The following SORCS2 variants were observed in gnomAD, a reference collection of about 807,000 sequenced individuals.
SORCS2 encodes the protein sortilin related VPS10 domain containing receptor 2, also known as VPS10 domain-containing receptor SorCS2.
Under a neutral mutation model 141.6 loss-of-function variants are expected in SORCS2, and 100 were observed. The observed-to-expected ratio is 0.71, with a 90% CI of 0.60 to 0.83. The LOEUF (loss-of-function observed/expected upper bound fraction) is 0.83, where lower values mean the gene tolerates loss of function less well. Among genes scored for constraint, SORCS2 ranks in the 40% least tolerant of loss-of-function variants. The pLI, the probability that SORCS2 is intolerant of heterozygous loss-of-function variation, is 0.00. For synonymous variants in SORCS2, 789 were observed against 676.9 expected (o/e 1.17, Z -2.57); for missense variants, 1,646 against 1,560.2 (o/e 1.05, Z -0.93).
intron 1 of SORCS2, among the ~76,000 whole-genome samples, chr4:7,273,778 C>CTG (rs1362917354): frequency 6.6e-6 from 1 of 152,210 alleles, no homozygotes; most frequent in African/African-American, 2.4e-5. Context: ...TTAGAAAGCT[C>CTG]TGTGGCGTTG....
chr4:7,639,961 G>A (rs1326877941), intron 4 of SORCS2, among the ~76,000 whole-genome samples: 1 of 151,864 alleles, frequency 6.6e-6, no homozygotes, highest in Non-Finnish European at 1.5e-5. Context: ...ATGAGTGTGG[G>A]TGTGAATCTG....
chr4:7,216,136 G>A (rs559865594), intron 1 of SORCS2, among the ~76,000 whole-genome samples: 1 of 152,288 alleles, frequency 6.6e-6, no homozygotes, highest in Admixed American at 6.5e-5. Flanking sequence ...CCACGGGGAG[G>A]AACAAACAAC....
At chr4:7,398,469 T>G (rs1178860902) in intron 2 of SORCS2, among the ~76,000 whole-genome samples, 1 of 152,220 alleles carries the variant, frequency 6.6e-6, no homozygotes, top group Non-Finnish European at 1.5e-5. Flanking sequence ...ATTGACAGAT[T>G]TTAATTTTCC....
In SORCS2 at chr4:7,720,619, A is replaced by G. The variant is rs1032985568; in HGVS notation, c.2424+2436A>G. On this transcript the variant is annotated intron_variant, in intron 18 of 26. Coordinates refer to ENST00000507866, the MANE Select transcript of SORCS2 (RefSeq NM_020777.3). Reference sequence around the variant, plus strand: ...GCAAACCACATATCCAACAAGGACCAGTACCTAGACTAGAGGAAGAACACT... The same window carrying G: ...GCAAACCACATATCCAACAAGGACCGGTACCTAGACTAGAGGAAGAACACT... Among the ~76,000 whole-genome samples the G allele has an allele frequency of 5.9e-5, 9 of 152,364 alleles. No individual in the cohort carries two copies. In the East Asian group the frequency reaches 1.5e-3, roughly 26 times the overall value.
At chr4:7,668,549 G>A (rs1326897063) in intron 8 of SORCS2, among the ~76,000 whole-genome samples, 1 of 152,172 alleles carries the variant, frequency 6.6e-6, no homozygotes, top group Admixed American at 6.5e-5. Flanking sequence ...TTGCACATGG[G>A]AGCTTCTGCA....
intron 9 of SORCS2, among the ~76,000 whole-genome samples, chr4:7,678,573 T>C (rs1577066152): frequency 7.1e-6 from 1 of 140,752 alleles, no homozygotes; most frequent in African/African-American, 2.7e-5. Flanking sequence ...AGTCAGGGAG[T>C]GTTTCCTGGA....
intron 1 of SORCS2, among the ~76,000 whole-genome samples, chr4:7,348,455 G>A (rs1343861161): frequency 2.0e-5 from 3 of 152,180 alleles, no homozygotes; most frequent in Admixed American, 1.3e-4. Flanking sequence ...ACTGTCATCA[G>A]CCTCCACTTT....
chr4:7,295,688 C>T (rs899020129), intron 1 of SORCS2, among the ~76,000 whole-genome samples: 1 of 152,240 alleles, frequency 6.6e-6, no homozygotes, highest in African/African-American at 2.4e-5. Context: ...AACGGGACGG[C>T]ACTCTCAGCC....
intron 1 of SORCS2, among the ~76,000 whole-genome samples, chr4:7,204,146 A>T (rs937531279): frequency 5.3e-5 from 8 of 152,136 alleles, no homozygotes; most frequent in African/African-American, 1.9e-4. Flanking sequence ...TATTTTTTCA[A>T]ATCCCTGCTT....
chr4:7,379,200 G>A (rs1722837482), intron 1 of SORCS2, among the ~76,000 whole-genome samples: 1 of 152,154 alleles, frequency 6.6e-6, no homozygotes, highest in Non-Finnish European at 1.5e-5. Flanking sequence ...TTAAAAGGAG[G>A]ATCCTTTCAG....
At chr4:7,342,615 G>T (rs1417309108) in intron 1 of SORCS2, among the ~76,000 whole-genome samples, 1 of 152,064 alleles carries the variant, frequency 6.6e-6, no homozygotes, top group Non-Finnish European at 1.5e-5. Context: ...CTTGGGGCCC[G>T]GCCTGCTTGC....
chr4:7,531,674 T>A, intron 3 of SORCS2, 45 bp downstream of exon 3: 5 of 1,567,452 alleles, frequency 3.2e-6, no homozygotes, highest in Non-Finnish European at 4.4e-6. Flanking sequence ...TCTCGCCTTG[T>A]GCCGCTCACT....
intron 2 of SORCS2, among the ~76,000 whole-genome samples, chr4:7,492,043 C>A (rs1464207593): frequency 6.6e-6 from 1 of 152,206 alleles, no homozygotes; most frequent in African/African-American, 2.4e-5. Context: ...CCCTCCTTTT[C>A]TGGCCTATCT....
chr4:7,445,897 A>T (rs1471797614), intron 2 of SORCS2, among the ~76,000 whole-genome samples: 2 of 152,174 alleles, frequency 1.3e-5, no homozygotes, highest in Non-Finnish European at 2.9e-5. Context: ...CCCTGAGAGT[A>T]GAGGGATGGG....
At chr4:7,435,660 T>TAC (rs1420613347) in intron 2 of SORCS2, among the ~76,000 whole-genome samples, 1 of 152,364 alleles carries the variant, frequency 6.6e-6, no homozygotes, top group South Asian at 2.1e-4. Flanking sequence ...TTGTTGAAGG[T>TAC]ACACACACAC....
chr4:7,583,395 C>G (rs898666942), intron 3 of SORCS2, among the ~76,000 whole-genome samples: 1 of 152,196 alleles, frequency 6.6e-6, no homozygotes, highest in African/African-American at 2.4e-5. Context: ...AAAACAGGAA[C>G]TCAACTTACC....
chr4:7,466,010 T>G (rs1729596708), intron 2 of SORCS2, among the ~76,000 whole-genome samples: 1 of 152,058 alleles, frequency 6.6e-6, no homozygotes, highest in Non-Finnish European at 1.5e-5. Context: ...TGATAGAAAT[T>G]TTTTATTAAT....
At chr4:7,350,623 C>T (rs1050074967) in intron 1 of SORCS2, among the ~76,000 whole-genome samples, 2 of 152,208 alleles carry the variant, frequency 1.3e-5, no homozygotes, top group Non-Finnish European at 2.9e-5. Flanking sequence ...CGGCAGGCGG[C>T]AGGTCCAGGC....
At chr4:7,496,453 TCCCCGTCCCCCGTC>T (rs56866056) in intron 2 of SORCS2, among the ~76,000 whole-genome samples, 19,387 of 58,194 alleles carry the variant, frequency 0.33, 1,704 homozygotes, top group East Asian at 0.5. Context: ...CCCCACCCGT[TCCCCGTCCCCCGTC>T]CCCCGTCCCC....
Sources: allele counts gnomAD v4.1 joint callset (sites outside exome capture counted in the v4.1 genomes callset), GRCh38; gene constraint gnomAD v4.1.1; transcripts MANE v1.5; gene names NCBI Gene and HGNC (gene_info 2026-07-23, HGNC 2026-07-21).